GRM7: variants seen among roughly 807,000 people sequenced by gnomAD.
GRM7 encodes glutamate metabotropic receptor 7.
Under a neutral mutation model 84.5 loss-of-function variants are expected in GRM7, and 35 were observed. The observed-to-expected ratio is 0.41, with a 90% CI of 0.32 to 0.55. The LOEUF is 0.55. GRM7 is among the 20% of genes least tolerant of loss of function. The pLI, the probability that GRM7 is intolerant of heterozygous loss-of-function variation, is 0.19. For synonymous variants in GRM7, 487 were observed against 455.1 expected, an observed-to-expected ratio of 1.07 and a Z score of -0.89; for missense variants, 1,003 against 1,194.6, an observed-to-expected ratio of 0.84 and a Z score of 2.36.
intron 2 of GRM7, among the ~76,000 whole-genome samples, chr3:7,199,575 C>T (rs550247492): frequency 3.3e-5 from 5 of 152,326 alleles, no homozygotes; most frequent in African/African-American, 1.2e-4. Flanking sequence ...TCACTCCCAC[C>T]AGCCCAGGGT....
At chr3:7,240,135 T>TTTTTTTTTG in intron 2 of GRM7, among the ~76,000 whole-genome samples, 1 of 145,226 alleles carries the variant, frequency 6.9e-6, no homozygotes, top group Non-Finnish European at 1.5e-5. Flanking sequence ...TTTTTTTTTT[T>TTTTTTTTTG]TTTTTTTTTC....
In GRM7 at chr3:7,227,494, T is replaced by TTTGC. The variant is rs1697021716; in HGVS notation, c.737-71190_737-71189insTTGC. Among the ~76,000 whole-genome samples the TTTGC allele has an allele frequency of 1.6e-4, 24 of 152,288 alleles. No homozygotes were observed. The South Asian group carries it at 5.0e-3, about 32-fold the overall frequency. ...GAGACCTCCTATTGTATCGCATGCC[T>TTTGC]ACTTTTTTCAGTACATCTTTGCACA... On this transcript the variant is annotated intron_variant, in intron 2 of 9. Transcript: ENST00000357716.
chr3:7,517,372 G>T (rs77600268), intron 7 of GRM7, among the ~76,000 whole-genome samples: 42 of 14,666 alleles, frequency 2.9e-3, no homozygotes, highest in African/African-American at 0.015. Flanking sequence ...ATTATTATTA[G>T]TAGTAGTAGT....
chr3:6,935,021 T>C (rs1027002106), intron 1 of GRM7, among the ~76,000 whole-genome samples: 1 of 152,348 alleles, frequency 6.6e-6, no homozygotes, highest in Non-Finnish European at 1.5e-5. Flanking sequence ...TTTTGGTTCA[T>C]TGATCATTAC....
At chr3:6,877,439 A>G (rs1695350016) in intron 1 of GRM7, among the ~76,000 whole-genome samples, 1 of 152,220 alleles carries the variant, frequency 6.6e-6, no homozygotes, top group Admixed American at 6.5e-5. Context: ...GGTTCTATAT[A>G]GATATGTAGA....
intron 1 of GRM7, among the ~76,000 whole-genome samples, chr3:7,042,214 C>T (rs780401895): frequency 6.6e-6 from 1 of 151,994 alleles, no homozygotes; most frequent in Non-Finnish European, 1.5e-5. Context: ...TGGTTTATAG[C>T]CAGTCAATCA....
At chr3:7,431,859 C>T (rs972444939) in intron 5 of GRM7, among the ~76,000 whole-genome samples, 4 of 152,088 alleles carry the variant, frequency 2.6e-5, no homozygotes, top group East Asian at 1.9e-4. Context: ...ATGTAGACTC[C>T]GTTGTAGAGA....
chr3:7,670,471 C>A (rs1699870903), intron 8 of GRM7, among the ~76,000 whole-genome samples: 1 of 152,206 alleles, frequency 6.6e-6, no homozygotes, highest in African/African-American at 2.4e-5. Flanking sequence ...CTGTGAGAAT[C>A]TGACATTGTC....
At chr3:7,525,415 C>G (rs1297891680) in intron 7 of GRM7, among the ~76,000 whole-genome samples, 1 of 152,024 alleles carries the variant, frequency 6.6e-6, no homozygotes, top group Non-Finnish European at 1.5e-5. Context: ...GATGGGGTCT[C>G]CCTATGTTAC....
chr3:7,292,739 A>C (rs1699677816), intron 2 of GRM7, among the ~76,000 whole-genome samples: 1 of 151,256 alleles, frequency 6.6e-6, no homozygotes, highest in Non-Finnish European at 1.5e-5. Context: ...AAAAAAAAAC[A>C]AACCATTGAG....
chr3:7,016,556 G>A (rs904906740), intron 1 of GRM7, among the ~76,000 whole-genome samples: 5 of 152,154 alleles, frequency 3.3e-5, no homozygotes, highest in Non-Finnish European at 7.3e-5. Flanking sequence ...ACTCAGACAA[G>A]GCAAGTGTAA....
chr3:7,310,696 A>T (rs1446203578), intron 4 of GRM7, among the ~76,000 whole-genome samples: 1 of 152,214 alleles, frequency 6.6e-6, no homozygotes, highest in Non-Finnish European at 1.5e-5. Context: ...TTTGTGGCAG[A>T]GTGGGTTTCT....
At chr3:7,048,161 C>T (rs112637030) in intron 1 of GRM7, among the ~76,000 whole-genome samples, 1 of 151,888 alleles carries the variant, frequency 6.6e-6, no homozygotes, top group Non-Finnish European at 1.5e-5. Flanking sequence ...CATACATTGG[C>T]AAGCATAGGA....
chr3:7,371,341 G>A (rs891726807), intron 4 of GRM7, among the ~76,000 whole-genome samples: 24 of 152,174 alleles, frequency 1.6e-4, no homozygotes, highest in Admixed American at 1.2e-3. Flanking sequence ...CCTAGGAGAC[G>A]TAAAAAGTAA....
At chr3:7,163,133 G>A (rs1314137946) in intron 2 of GRM7, among the ~76,000 whole-genome samples, 4 of 152,006 alleles carry the variant, frequency 2.6e-5, no homozygotes, top group African/African-American at 9.7e-5. Context: ...CTGTTGCTCT[G>A]GACTATATCA....
intron 4 of GRM7, among the ~76,000 whole-genome samples, chr3:7,330,867 C>A (rs1379951950): frequency 6.6e-6 from 1 of 152,108 alleles, no homozygotes; most frequent in Non-Finnish European, 1.5e-5. Flanking sequence ...ACAGGATGGT[C>A]TTTCTATCTG....
intron 5 of GRM7, among the ~76,000 whole-genome samples, chr3:7,433,517 G>A (rs546244276): frequency 6.6e-6 from 1 of 152,334 alleles, no homozygotes; most frequent in African/African-American, 2.4e-5. Context: ...GGTATGTGGT[G>A]AGACAGACCA....
chr3:7,230,526 A>G (rs531088340), intron 2 of GRM7, among the ~76,000 whole-genome samples: 12 of 152,320 alleles, frequency 7.9e-5, no homozygotes, highest in Non-Finnish European at 1.0e-4. Flanking sequence ...TTAAGGAAAG[A>G]GACATTTAGT....
intron 1 of GRM7, among the ~76,000 whole-genome samples, chr3:7,130,467 C>T (rs527883315): frequency 1.3e-5 from 2 of 151,100 alleles, no homozygotes; most frequent in South Asian, 2.1e-4. Flanking sequence ...CATGTAAACC[C>T]GGGAGGTGGA....
Sources: gnomAD v4.1 joint callset for allele counts (sites outside exome capture counted in the v4.1 genomes callset) on GRCh38, gnomAD v4.1.1 for gene constraint, MANE v1.5 for transcripts, NCBI Gene and HGNC (gene_info 2026-07-23, HGNC 2026-07-21) for gene names.